The following METTL15 variants were observed in gnomAD, a reference collection of about 807,000 sequenced individuals.
METTL15 encodes methyltransferase 15, mitochondrial 12S rRNA N4-cytidine.
METTL15 carries 34 observed loss-of-function variants against 38.3 expected under a neutral mutation model. That is an observed-to-expected ratio of 0.89 (90% CI 0.68 to 1.18). The LOEUF (loss-of-function observed/expected upper bound fraction) is 1.18, where lower values mean the gene tolerates loss of function less well. METTL15 is among the 50% of genes most tolerant of loss of function. The pLI is 0.00. For missense variants in METTL15, 438 were observed against 498.4 expected, an observed-to-expected ratio of 0.88 and a Z score of 1.15; for synonymous variants, 162 against 170.9, an observed-to-expected ratio of 0.95 and a Z score of 0.41.
rs1405867449 is a variant in METTL15 at position 28,331,119 on chromosome 11, T to A, written c.*278T>A. On this transcript the variant is annotated 3_prime_UTR_variant, in exon 7 of 7. Transcript: ENST00000407364. ...TCCTTCCTCTGGCCAGGAAATTTTT[T>A]AAAAAATAATACTGTGTTGTGTTTA... is the stretch of plus-strand genomic sequence containing the variant. 6.1e-5 allele frequency: 14 copies of A among 230,810 alleles called. No individual in the cohort carries two copies. Among genetic ancestry groups the A allele is most frequent in the East Asian group, 5.4e-4 (6 of 11,042 alleles). The allele number at this position is 230,810 out of a possible 1,614,324, so 14.3% of individuals were successfully genotyped here.
intron 6 of METTL15, among the ~76,000 whole-genome samples, chr11:28,449,219 G>A (rs1851099686): frequency 6.6e-6 from 1 of 152,128 alleles, no homozygotes; most frequent in South Asian, 2.1e-4. Flanking sequence ...GATAGTGCAG[G>A]GCTGATTTGT....
At chr11:28,350,040 A>G (rs933124831) in intron 3 of METTL15, among the ~76,000 whole-genome samples, 1 of 152,206 alleles carries the variant, frequency 6.6e-6, no homozygotes, top group Admixed American at 6.5e-5. Flanking sequence ...TGTATTAGAC[A>G]GGCTATTAGA....
intron 5 of METTL15, among the ~76,000 whole-genome samples, chr11:28,365,413 T>G (rs1324943944): frequency 6.6e-6 from 1 of 152,182 alleles, no homozygotes; most frequent in East Asian, 1.9e-4. Flanking sequence ...GAGGTTGTGT[T>G]TCTAAGAATG....
At chr11:28,506,736 C>CTTTTTTT (rs71449180) in intron 6 of METTL15, among the ~76,000 whole-genome samples, 1 of 111,624 alleles carries the variant, frequency 9.0e-6, no homozygotes, top group Non-Finnish European at 1.8e-5. Flanking sequence ...ATCTCAGTCT[C>CTTTTTTT]TTTTTTTTTT....
intron 6 of METTL15, among the ~76,000 whole-genome samples, chr11:28,521,707 G>A (rs913515068): frequency 6.6e-6 from 1 of 152,080 alleles, no homozygotes; most frequent in African/African-American, 2.4e-5. Context: ...AGAAAGCAGA[G>A]TAGGGTCAGG....
At chr11:28,234,065 TG>T (rs1324447984) in intron 4 of METTL15, among the ~76,000 whole-genome samples, 1 of 152,000 alleles carries the variant, frequency 6.6e-6, no homozygotes, top group East Asian at 1.9e-4. Context: ...TTTGGTTTTT[TG>T]TCCTTGCGAT....
intron 6 of METTL15, among the ~76,000 whole-genome samples, chr11:28,491,183 A>G (rs894567): frequency 0.038 from 5,844 of 152,262 alleles, 372 homozygotes; most frequent in African/African-American, 0.13. Flanking sequence ...TTTGGACCCT[A>G]TAATTTTACC....
intron 5 of METTL15, among the ~76,000 whole-genome samples, chr11:28,400,920 A>G (rs1850624710): frequency 6.6e-6 from 1 of 151,974 alleles, no homozygotes; most frequent in Non-Finnish European, 1.5e-5. Context: ...TTATCTTGTT[A>G]ATCACAAGAT....
At chr11:28,356,023 A>G (rs1299435216) in intron 4 of METTL15, among the ~76,000 whole-genome samples, 1 of 152,124 alleles carries the variant, frequency 6.6e-6, no homozygotes, top group Non-Finnish European at 1.5e-5. Flanking sequence ...GTCTCTCTAC[A>G]TGTAATTTTT....
chr11:28,159,992 G>A (rs551931877), intron 3 of METTL15, among the ~76,000 whole-genome samples: 44 of 152,100 alleles, frequency 2.9e-4, no homozygotes, highest in African/African-American at 1.0e-3. Flanking sequence ...CATTTGAGTC[G>A]GTGAGCTAGG....
chr11:28,438,978 G>A (rs182327289), intron 6 of METTL15, among the ~76,000 whole-genome samples: 5 of 150,852 alleles, frequency 3.3e-5, no homozygotes, highest in Admixed American at 2.7e-4. Context: ...CGCCCAGCCA[G>A]ACCACATTTT....
At chr11:28,165,056 T>C (rs1293583125) in intron 3 of METTL15, among the ~76,000 whole-genome samples, 1 of 152,294 alleles carries the variant, frequency 6.6e-6, no homozygotes, top group East Asian at 1.9e-4. Context: ...TTCCATTATG[T>C]GTATGTACTA....
intron 4 of METTL15, among the ~76,000 whole-genome samples, chr11:28,237,032 T>G (rs537065254): frequency 3.9e-5 from 6 of 152,144 alleles, no homozygotes; most frequent in Non-Finnish European, 7.4e-5. Context: ...GCTGCCCTTA[T>G]AATTTTTTCC....
At chr11:28,201,001 G>T (rs936764623) in intron 3 of METTL15, among the ~76,000 whole-genome samples, 6 of 152,032 alleles carry the variant, frequency 3.9e-5, no homozygotes, top group Admixed American at 3.3e-4. Flanking sequence ...TTTTCAAAGG[G>T]AACACTTCCA....
At chr11:28,143,781 G>A (rs1459911299) in intron 3 of METTL15, among the ~76,000 whole-genome samples, 1 of 152,144 alleles carries the variant, frequency 6.6e-6, no homozygotes, top group Non-Finnish European at 1.5e-5. Context: ...GATGAATTTT[G>A]CCTTGAGAAA....
chr11:28,379,500 A>T (rs1028960565), intron 5 of METTL15, among the ~76,000 whole-genome samples: 2 of 151,876 alleles, frequency 1.3e-5, no homozygotes, highest in Non-Finnish European at 2.9e-5. Context: ...TTTTATTTTC[A>T]TGTGTTTGTG....
intron 3 of METTL15, among the ~76,000 whole-genome samples, chr11:28,115,274 T>C (rs1157773936): frequency 6.6e-6 from 1 of 152,124 alleles, no homozygotes; most frequent in African/African-American, 2.4e-5. Flanking sequence ...CTTTTTTTTT[T>C]TGAGATGGAG....
rs560251873 is a variant in METTL15 at position 28,132,489 on chromosome 11, A to T, written c.270+18885A>T. Among the ~76,000 whole-genome samples the T allele has an allele frequency of 7.4e-5, 11 of 149,502 alleles. No individual in the cohort carries two copies. In the South Asian group the frequency reaches 2.4e-3, roughly 33 times the overall value. On this transcript the variant is annotated intron_variant, in intron 3 of 6. Transcript: ENST00000407364. Reference sequence around the variant, plus strand: ...TTATTCTGTGTTTTAAACTGGTTGAAAATAATTTCTTCTCTCTCTCTGTTT... The same window carrying T: ...TTATTCTGTGTTTTAAACTGGTTGATAATAATTTCTTCTCTCTCTCTGTTT...
At chr11:28,513,094 A>AATG (rs10665010) in intron 6 of METTL15, among the ~76,000 whole-genome samples, 152,293 of 152,304 alleles carry the variant, frequency 1, 76,141 homozygotes, top group Middle Eastern at 1. Context: ...TAGACACTGA[A>AATG]ATGATTACAA....
Sources: allele counts gnomAD v4.1 joint callset (sites outside exome capture counted in the v4.1 genomes callset), GRCh38; gene constraint gnomAD v4.1.1; transcripts MANE v1.5; gene names NCBI Gene and HGNC (gene_info 2026-07-23, HGNC 2026-07-21).